Variants in TMEM68 observed in about 807,000 individuals in gnomAD.
The protein encoded by TMEM68 is DGAT1/2-independent enzyme synthesizing storage lipids.
A neutral mutation model predicts 36.9 loss-of-function variants in TMEM68; 25 were observed. The observed-to-expected ratio is 0.68, with a 90% CI of 0.49 to 0.95. The LOEUF is 0.95. TMEM68 is among the 40% of genes least tolerant of loss of function. The pLI, the probability that TMEM68 is intolerant of heterozygous loss-of-function variation, is 0.00. For synonymous variants in TMEM68, 131 were observed against 124.4 expected, an observed-to-expected ratio of 1.05 and a Z score of -0.35; for missense variants, 333 against 392.0, an observed-to-expected ratio of 0.85 and a Z score of 1.27.
rs935928984 is a variant in TMEM68 at position 55,751,295 on chromosome 8, A to C, written c.494-138T>G. 1.5e-5 allele frequency: 11 copies of C among 739,636 alleles called. No individual in the cohort carries two copies. The African/African-American group carries it at 1.8e-4, about 12-fold the overall frequency. The allele number at this position is 739,636 out of a possible 1,614,324, so 45.8% of individuals were successfully genotyped here. Reference sequence around the variant, plus strand: ...TTTTTACTTGTTAAAATCAACAAAAACTCTAAAGGTTAACTTAAGCTTGAT... The same window carrying C: ...TTTTTACTTGTTAAAATCAACAAAACCTCTAAAGGTTAACTTAAGCTTGAT... On this transcript the variant is annotated intron_variant, in intron 4 of 7. Transcript: ENST00000434581.
At chr8:55,749,461 C>CTA (rs1461771021) in intron 5 of TMEM68, among the ~76,000 whole-genome samples, 11 of 152,046 alleles carry the variant, frequency 7.2e-5, no homozygotes, top group African/African-American at 9.7e-5. Context: ...CCACTTACAA[C>CTA]TATACATATA....
chr8:55,767,708 C>T (rs753677475), intron 1 of TMEM68, among the ~76,000 whole-genome samples: 1 of 151,968 alleles, frequency 6.6e-6, no homozygotes, highest in African/African-American at 2.4e-5. Flanking sequence ...GAGGCCGAGG[C>T]GGGAGGATCA....
chr8:55,758,531 A>T (rs1258135072), intron 3 of TMEM68, among the ~76,000 whole-genome samples: 3 of 152,262 alleles, frequency 2.0e-5, no homozygotes. Context: ...TTAAAGGGGA[A>T]TGCAGTGGCT....
At position 55,773,372 on chromosome 8, in the gene TMEM68, G is replaced by A; in HGVS notation, c.-218C>T. On this transcript the variant is annotated 5_prime_UTR_variant, in exon 1 of 8. Transcript: ENST00000434581. ...GCAACCCGTGTGAAAGAAGCCAAGCGGCGGCTGCAGCCCGGGCCGCGATGG... is the reference window on the plus strand; with the variant it reads ...GCAACCCGTGTGAAAGAAGCCAAGCAGCGGCTGCAGCCCGGGCCGCGATGG... 1 of 411,826 alleles carries A rather than the reference G, an allele frequency of 2.4e-6. No homozygotes were observed. The allele number at this position is 411,826 out of a possible 1,614,324, so 25.5% of individuals were successfully genotyped here. A position where few individuals can be genotyped will look rare whatever the true frequency, so the allele number is the denominator to read the frequency against.
chr8:55,741,410 TTTTA>T (rs1317744677), intron 7 of TMEM68, among the ~76,000 whole-genome samples: 1 of 152,234 alleles, frequency 6.6e-6, no homozygotes, highest in Admixed American at 6.5e-5. Context: ...ATCTCTAGAA[TTTTA>T]TTTATTCATT....
intron 1 of TMEM68, among the ~76,000 whole-genome samples, chr8:55,765,261 T>C (rs955191339): frequency 6.6e-6 from 1 of 152,152 alleles, no homozygotes; most frequent in African/African-American, 2.4e-5. Flanking sequence ...CTTGTAAGTT[T>C]AAAAACAGCT....
chr8:55,757,328 G>A (rs1052838967), intron 3 of TMEM68, among the ~76,000 whole-genome samples: 2 of 152,172 alleles, frequency 1.3e-5, no homozygotes, highest in African/African-American at 4.8e-5. Context: ...ATAAAAGAGG[G>A]TAAGAAGAAG....
At chr8:55,770,598 C>T (rs969211249) in intron 1 of TMEM68, among the ~76,000 whole-genome samples, 2 of 151,816 alleles carry the variant, frequency 1.3e-5, no homozygotes, top group East Asian at 1.9e-4. Context: ...TGCTTGAGCC[C>T]GTGGAGTGAA....
chr8:55,756,971 A>G (rs901539681), intron 3 of TMEM68, among the ~76,000 whole-genome samples: 6 of 43,674 alleles, frequency 1.4e-4, no homozygotes, highest in African/African-American at 4.3e-4. Context: ...CAGGGCATCC[A>G]TGAGTTGTAG....
intron 7 of TMEM68, 73 bp downstream of exon 7, chr8:55,743,408 A>C: frequency 6.8e-7 from 1 of 1,464,154 alleles, no homozygotes; most frequent in Admixed American, 2.4e-5. Context: ...ATAAAAATAA[A>C]TCAATGAGAT....
rs193117353 is a variant in TMEM68, at chr8:55,766,330, G to A, written c.-114-2350C>T. 3.3e-5 allele frequency among the ~76,000 whole-genome samples: 5 copies of A among 151,434 alleles called. No individual in the cohort carries two copies. The East Asian group carries it at 9.7e-4, about 29-fold the overall frequency. On this transcript the variant is annotated intron_variant, in intron 1 of 7. Transcript: ENST00000434581. ...GAGAAAGTGACAGGGAGGGCACTTG[G>A]AAATGGACCAGAGAGGCAACACTGT... is the stretch of plus-strand genomic sequence containing the variant.
At chr8:55,750,113 A>C (rs1236969276) in intron 5 of TMEM68, among the ~76,000 whole-genome samples, 4 of 152,174 alleles carry the variant, frequency 2.6e-5, no homozygotes, top group Non-Finnish European at 4.4e-5. Context: ...AAGTTGAACC[A>C]TCTTTGATTA....
intron 4 of TMEM68, among the ~76,000 whole-genome samples, chr8:55,753,207 T>TA (rs2129957095): frequency 6.6e-6 from 1 of 152,094 alleles, no homozygotes; most frequent in Admixed American, 6.5e-5. Flanking sequence ...TTATTATTGC[T>TA]AAAAACGAAA....
intron 6 of TMEM68, 117 bp from the exon 7 acceptor site, chr8:55,743,737 G>A: frequency 2.3e-6 from 2 of 851,508 alleles, no homozygotes; most frequent in Non-Finnish European, 1.7e-6. Flanking sequence ...ATCACTTCTT[G>A]GCAATTAATA....
Position 55,756,369 on chromosome 8 carries a change from G to C in TMEM68, c.368C>G (p.Pro123Arg). Residue 123 changes from proline to arginine, a missense_variant, in exon 4 of 8, where the codon CCA becomes CGA. Physicochemically the swap from Pro to Arg is moderately radical, Grantham distance 103. Coordinates refer to ENST00000434581, the MANE Select transcript of TMEM68 (RefSeq NM_001286657.2). Reference sequence around the variant, plus strand: ...TCCATGATAAAAAATTATAAGTGCTGGTCCATCTTCTGGTATTTTTTCCAT... The same window carrying C: ...TCCATGATAAAAAATTATAAGTGCTCGTCCATCTTCTGGTATTTTTTCCAT... ...HGMEKIPEDG[P>R]ALIIFYHGAI... The C allele has an allele frequency of 6.3e-7, 1 of 1,592,780 alleles. No individual in the cohort carries two copies. The highest frequency in any genetic ancestry group is 1.8e-5 in the Admixed American group (1 of 54,898).
intron 5 of TMEM68, chr8:55,745,784 C>T (rs1810252456): frequency 6.6e-6 from 1 of 152,100 alleles, no homozygotes; most frequent in African/African-American, 2.4e-5. Context: ...GCAGTCTCAA[C>T]CTCCCAGGTT....
At chr8:55,771,970 T>C (rs1314973906) in intron 1 of TMEM68, among the ~76,000 whole-genome samples, 1 of 152,198 alleles carries the variant, frequency 6.6e-6, no homozygotes, top group Admixed American at 6.5e-5. Flanking sequence ...TTCAAGACTT[T>C]TCTTTAATCC....
intron 1 of TMEM68, among the ~76,000 whole-genome samples, chr8:55,764,656 G>A (rs13273467): frequency 6.6e-6 from 1 of 152,326 alleles, no homozygotes; most frequent in Non-Finnish European, 1.5e-5. Context: ...TAACTTCCTT[G>A]TAACCAATAG....
At chr8:55,767,218 A>T (rs891360356) in intron 1 of TMEM68, among the ~76,000 whole-genome samples, 2 of 152,070 alleles carry the variant, frequency 1.3e-5, no homozygotes, top group African/African-American at 4.8e-5. Context: ...CTCTTAGAAG[A>T]GTGCTTTCTA....
Sources: gnomAD v4.1 joint callset for allele counts (sites outside exome capture counted in the v4.1 genomes callset) on GRCh38, gnomAD v4.1.1 for gene constraint, MANE v1.5 for transcripts, NCBI Gene and HGNC (gene_info 2026-07-23, HGNC 2026-07-21) for gene names.